The following NEK11 variants were observed in gnomAD, a reference collection of about 807,000 sequenced individuals.
NEK11 encodes NIMA related kinase 11, also known as serine/threonine-protein kinase Nek11.
In NEK11, 72 loss-of-function variants were observed where a neutral mutation model predicts 80.7. The ratio of observed to expected loss-of-function variants is 0.89; its 90% CI spans 0.74 to 1.08. The LOEUF is 1.08. Ranked by LOEUF, NEK11 falls within the 50% of genes least tolerant of loss-of-function variation. The pLI, the probability that NEK11 is intolerant of heterozygous loss-of-function variation, is 0.00. For missense variants in NEK11, 764 were observed against 763.6 expected, an observed-to-expected ratio of 1.00 and a Z score of -0.01; for synonymous variants, 251 against 260.7, an observed-to-expected ratio of 0.96 and a Z score of 0.36.
intron 5 of NEK11, among the ~76,000 whole-genome samples, chr3:131,131,396 T>C (rs2084449942): frequency 6.6e-6 from 1 of 152,188 alleles, no homozygotes; most frequent in African/African-American, 2.4e-5. Flanking sequence ...ATTGAATGTA[T>C]TTACTGAAGA....
At chr3:131,229,586 T>G (rs115904791) in intron 15 of NEK11, among the ~76,000 whole-genome samples, 8 of 152,208 alleles carry the variant, frequency 5.3e-5, no homozygotes, top group African/African-American at 1.9e-4. Context: ...CAACCATTTT[T>G]AATAAAGACT....
chr3:131,072,870 A>C (rs148657419), intron 3 of NEK11, among the ~76,000 whole-genome samples: 2 of 152,334 alleles, frequency 1.3e-5, no homozygotes, highest in African/African-American at 4.8e-5. Flanking sequence ...GTGAGGGCAC[A>C]AATGCACAAG....
At chr3:131,236,310 T>G (rs1421040400) in intron 15 of NEK11, among the ~76,000 whole-genome samples, 2 of 152,192 alleles carry the variant, frequency 1.3e-5, no homozygotes, top group African/African-American at 4.8e-5. Flanking sequence ...CCTCACCAGT[T>G]CCTGGAAAAT....
chr3:131,183,182 A>G (rs1409676773), intron 14 of NEK11, among the ~76,000 whole-genome samples: 2 of 152,200 alleles, frequency 1.3e-5, no homozygotes, highest in Non-Finnish European at 2.9e-5. Flanking sequence ...AAATTTTAAA[A>G]TGTTTCCCTT....
At chr3:131,267,817 C>T (rs1055987878) in intron 16 of NEK11, among the ~76,000 whole-genome samples, 2 of 152,096 alleles carry the variant, frequency 1.3e-5, no homozygotes, top group Non-Finnish European at 2.9e-5. Context: ...GAAAGTTGGC[C>T]TCTCTTGCTA....
At chr3:131,229,785 G>T (rs1479761463) in intron 15 of NEK11, among the ~76,000 whole-genome samples, 1 of 151,868 alleles carries the variant, frequency 6.6e-6, no homozygotes, top group Non-Finnish European at 1.5e-5. Flanking sequence ...GAGATAAAGA[G>T]GAGAAAGAGA....
At chr3:131,094,586 C>T (rs567969410) in intron 4 of NEK11, among the ~76,000 whole-genome samples, 56 of 152,180 alleles carry the variant, frequency 3.7e-4, no homozygotes, top group Non-Finnish European at 7.3e-5. Context: ...AGCGCCTCTA[C>T]CACTGGAAAT....
chr3:131,330,481 C>G (rs2097058231), intron 17 of NEK11: 2 of 152,124 alleles, frequency 1.3e-5, no homozygotes. Context: ...GGATAGAGGA[C>G]AGAAGAAGTC....
At chr3:131,103,556 G>T (rs185982346) in intron 4 of NEK11, among the ~76,000 whole-genome samples, 159 of 152,276 alleles carry the variant, frequency 1.0e-3, no homozygotes, top group African/African-American at 3.8e-3. Context: ...TTGCAAGCTT[G>T]CTCTGTGGTG....
intron 17 of NEK11, among the ~76,000 whole-genome samples, chr3:131,316,173 CTACT>C (rs758754596): frequency 2.6e-5 from 4 of 152,160 alleles, no homozygotes; most frequent in Non-Finnish European, 5.9e-5. Flanking sequence ...ATCTTATTTT[CTACT>C]TAAACAGAAC....
At chr3:131,211,069 T>C (rs1335039391) in intron 14 of NEK11, among the ~76,000 whole-genome samples, 1 of 152,162 alleles carries the variant, frequency 6.6e-6, no homozygotes, top group Non-Finnish European at 1.5e-5. Flanking sequence ...TTCCTAGCAT[T>C]GATGGTCTTT....
intron 14 of NEK11, among the ~76,000 whole-genome samples, chr3:131,193,315 G>C (rs2093874232): frequency 6.6e-6 from 1 of 152,068 alleles, no homozygotes; most frequent in Non-Finnish European, 1.5e-5. Context: ...TTAATGATAG[G>C]ACAAGAGTGA....
In NEK11 at chr3:131,243,459, C is replaced by T; in HGVS notation, c.1584C>T (p.Ala528=). ...NQQDSDIEAL[A]RCLENVLGCT... is the part of the protein sequence containing the mutation. Reference sequence around the variant, plus strand: ...AGGACAGTGATATCGAAGCGTTGGCCAGGTGTTTGGAAAATGTCCTGGGTT... The same window carrying T: ...AGGACAGTGATATCGAAGCGTTGGCTAGGTGTTTGGAAAATGTCCTGGGTT... The change falls in exon 16 of 18, where the codon GCC becomes GCT. Residue 528 remains alanine (A), a synonymous_variant. Coordinates refer to ENST00000383366, the MANE Select transcript of NEK11 (RefSeq NM_024800.5). 1 of 1,612,708 alleles carries T rather than the reference C, an allele frequency of 6.2e-7. No individual in the cohort carries two copies. The highest frequency in any genetic ancestry group is 1.1e-5 in the South Asian group (1 of 91,016).
intron 7 of NEK11, among the ~76,000 whole-genome samples, chr3:131,145,588 T>C (rs1382435483): frequency 1.3e-5 from 2 of 152,130 alleles, no homozygotes; most frequent in East Asian, 3.9e-4. Context: ...TGAAATTACC[T>C]TGGGAAATCA....
intron 10 of NEK11, among the ~76,000 whole-genome samples, chr3:131,157,319 G>T (rs1224713452): frequency 6.6e-6 from 1 of 151,828 alleles, no homozygotes; most frequent in Admixed American, 6.6e-5. Flanking sequence ...TTTTTTTGGT[G>T]CCCCCTTAGA....
At chr3:131,175,494 G>A (rs948497193) in intron 14 of NEK11, among the ~76,000 whole-genome samples, 9 of 152,170 alleles carry the variant, frequency 5.9e-5, no homozygotes, top group African/African-American at 9.7e-5. Flanking sequence ...GAAGCCACAC[G>A]TAAAAGAGTT....
chr3:131,067,171 A>G (rs2072194120), intron 3 of NEK11, among the ~76,000 whole-genome samples: 2 of 152,188 alleles, frequency 1.3e-5, no homozygotes, highest in South Asian at 2.1e-4. Flanking sequence ...ACAGTTTCTT[A>G]TAGCTTTTAA....
In NEK11 at chr3:131,273,593, G is replaced by GC. The variant is rs761526445; in HGVS notation, c.1718+24dup. 3 of 1,577,506 alleles carry GC rather than the reference G, an allele frequency of 1.9e-6. No individual in the cohort carries two copies. Among genetic ancestry groups the GC allele is most frequent in the African/African-American group, 2.7e-5 (2 of 73,908 alleles). On this transcript the variant is annotated intron_variant, in intron 17 of 17. Transcript: ENST00000383366. ...TGAGGGAGTAAGTAGCATGTTGCCT[G>GC]CCCCCTAGGAAGGTGCAGTGTTAAA...
intron 7 of NEK11, among the ~76,000 whole-genome samples, chr3:131,137,830 C>A (rs1038597993): frequency 3.3e-4 from 50 of 152,124 alleles, no homozygotes; most frequent in African/African-American, 1.0e-3. Context: ...TGATCATGCC[C>A]CTCCCCAGGA....
Sources: allele counts gnomAD v4.1 joint callset (sites outside exome capture counted in the v4.1 genomes callset), GRCh38; gene constraint gnomAD v4.1.1; transcripts MANE v1.5; gene names NCBI Gene and HGNC (gene_info 2026-07-23, HGNC 2026-07-21).